Variants in PADI2 observed in about 807,000 individuals in gnomAD.
PADI2 encodes protein-arginine deiminase type-2.
PADI2 carries 70 observed loss-of-function variants against 81.1 expected under a neutral mutation model. That is an observed-to-expected ratio of 0.86 (90% confidence interval 0.71 to 1.05). PADI2 has a LOEUF of 1.05. Ranked by LOEUF, PADI2 falls within the 50% of genes least tolerant of loss-of-function variation. The pLI, the probability that PADI2 is intolerant of heterozygous loss-of-function variation, is 0.00. For missense variants in PADI2, 853 were observed against 889.9 expected, an observed-to-expected ratio of 0.96 and a Z score of 0.53; for synonymous variants, 338 against 358.0, an observed-to-expected ratio of 0.94 and a Z score of 0.63.
intron 3 of PADI2, among the ~76,000 whole-genome samples, chr1:17,100,162 G>A (rs1931092143): frequency 6.6e-6 from 1 of 152,214 alleles, no homozygotes; most frequent in Admixed American, 6.5e-5. Flanking sequence ...GGGACAGAGA[G>A]AACAGTGGTC....
At chr1:17,089,728 G>C (rs1279617850) in intron 6 of PADI2, among the ~76,000 whole-genome samples, 2 of 152,162 alleles carry the variant, frequency 1.3e-5, no homozygotes, top group Non-Finnish European at 1.5e-5. Context: ...CTCCATCCCT[G>C]GCTCGGTGCA....
At chr1:17,102,174 G>A (rs1390170056) in intron 3 of PADI2, among the ~76,000 whole-genome samples, 1 of 152,210 alleles carries the variant, frequency 6.6e-6, no homozygotes, top group Non-Finnish European at 1.5e-5. Flanking sequence ...ACCAAGGTTG[G>A]ATGAACAAAA....
intron 1 of PADI2, among the ~76,000 whole-genome samples, chr1:17,116,948 C>T (rs1931778559): frequency 6.6e-6 from 1 of 152,192 alleles, no homozygotes. Flanking sequence ...ACCAGTGAGT[C>T]TCAGCTGGCT....
rs2078291115 is a variant in PADI2 at position 17,074,915 on chromosome 1, C to G, written c.1490G>C (p.Cys497Ser). Residue 497 changes from cysteine (C) to serine (S), a missense_variant, in exon 13 of 16, where the codon TGC becomes TCC. Coordinates refer to ENST00000375486, the MANE Select transcript of PADI2 (RefSeq NM_007365.3). ...FLLLMASTSA[C>S]YKLFREKQKD... The stretch of plus-strand genomic sequence containing the variant: ...CTGCTTCTCTCGGAAGAGCTTGTAG[C>G]AGGCCGAGGTGCTGGCCATGAGTAG... The G allele has an allele frequency of 2.5e-6, 4 of 1,613,180 alleles. No individual in the cohort carries two copies. The South Asian group carries it at 3.3e-5, about 13-fold the overall frequency.
intron 11 of PADI2, among the ~76,000 whole-genome samples, chr1:17,077,543 A>C (rs926730193): frequency 2.6e-5 from 4 of 152,154 alleles, no homozygotes; most frequent in African/African-American, 9.7e-5. Context: ...GTCTATTTGC[A>C]TGCCTGAGAC....
At chr1:17,069,589 A>T (rs570352825) in intron 15 of PADI2, among the ~76,000 whole-genome samples, 35 of 152,288 alleles carry the variant, frequency 2.3e-4, no homozygotes, top group Admixed American at 2.3e-3. Flanking sequence ...ATGGGTATGT[A>T]TGCATTTATG....
intron 3 of PADI2, among the ~76,000 whole-genome samples, chr1:17,100,235 G>A (rs1287044740): frequency 7.0e-6 from 1 of 143,566 alleles, no homozygotes; most frequent in Admixed American, 6.7e-5. Flanking sequence ...GTTCAATGGT[G>A]TTAGTTTCTT....
intron 15 of PADI2, among the ~76,000 whole-genome samples, 157 bp from the exon 16 acceptor site, chr1:17,069,434 G>C (rs559151518): frequency 1.1e-4 from 16 of 152,380 alleles, no homozygotes; most frequent in African/African-American, 3.4e-4. Flanking sequence ...ACAAATGGCA[G>C]AGCTGAAGTG....
At chr1:17,075,193 C>CCAAGTTGCCAAGCAGCCACA in intron 12 of PADI2, 3 of 428,604 alleles carry the variant, frequency 7.0e-6, no homozygotes, top group Non-Finnish European at 1.3e-5. Flanking sequence ...CAGGACATCT[C>CCAAGTTGCCAAGCAGCCACA]CAAGTTGCCA....
At chr1:17,086,760 G>A in intron 6 of PADI2, 61 bp from the exon 7 acceptor site, 1 of 1,467,172 alleles carries the variant, frequency 6.8e-7, no homozygotes, top group Non-Finnish European at 9.5e-7. Flanking sequence ...CGGTGGGGTG[G>A]GATCACCGAT....
rs1307491651 is a variant in PADI2 at position 17,069,280 on chromosome 1, G to A, written c.1765-3C>T. On this transcript the variant is annotated splice_polypyrimidine_tract_variant and splice_region_variant and intron_variant, in intron 15 of 15. Coordinates refer to ENST00000375486, the MANE Select transcript of PADI2 (RefSeq NM_007365.3). ...TTGTCCAGCACGATCATGTTCACCT[G>A]TGACGGGGGATTGCGATGGCAACAG... 6.8e-6 allele frequency: 11 copies of A among 1,610,784 alleles called. No individual in the cohort carries two copies. Among genetic ancestry groups the A allele is most frequent in the Non-Finnish European group, 9.3e-6 (11 of 1,177,030 alleles).
At chr1:17,083,874 A>C (rs1207522344) in intron 8 of PADI2, 37 bp from the exon 9 acceptor site, 2 of 1,211,162 alleles carry the variant, frequency 1.7e-6, no homozygotes, top group African/African-American at 3.0e-5. Flanking sequence ...GCCAGGAGAA[A>C]GGGTGAGGAG....
intron 4 of PADI2, 85 bp from the exon 5 acceptor site, chr1:17,093,769 G>C: frequency 1.3e-6 from 1 of 798,752 alleles, no homozygotes; most frequent in Non-Finnish European, 2.1e-6. Flanking sequence ...GCCCCAGGAT[G>C]AGGGTAAAGA....
intron 1 of PADI2, among the ~76,000 whole-genome samples, chr1:17,114,990 C>T (rs1931708243): frequency 6.6e-6 from 1 of 152,074 alleles, no homozygotes; most frequent in Non-Finnish European, 1.5e-5. Flanking sequence ...CACCCCAGGC[C>T]CCCATCATGG....
chr1:17,067,947 T>A lies in PADI2; in HGVS notation c.*1097A>T, dbSNP rs2078235200. On this transcript the variant is annotated 3_prime_UTR_variant, in exon 16 of 16. Transcript: ENST00000375486. ...TGGGTATGTCCAAATGAGAGGGTCT[T>A]TGGCAAAGGCACTGGTGAATTTCAA... 6.6e-6 allele frequency: 1 copy of A among 152,626 alleles called. No individual in the cohort carries two copies. Among genetic ancestry groups the A allele is most frequent in the South Asian group, 2.1e-4 (1 of 4,828 alleles). 9.5% of individuals were successfully genotyped at this position (152,626 alleles called of 1,614,324 possible).
intron 1 of PADI2, among the ~76,000 whole-genome samples, chr1:17,111,132 G>T (rs890845341): frequency 3.6e-5 from 5 of 137,258 alleles, no homozygotes; most frequent in African/African-American, 1.4e-4. Context: ...CTGTTGCCCA[G>T]GCTGGAGTGC....
At chr1:17,090,327 G>T (rs746127897) in intron 6 of PADI2, among the ~76,000 whole-genome samples, 1 of 152,212 alleles carries the variant, frequency 6.6e-6, no homozygotes, top group Non-Finnish European at 1.5e-5. Context: ...CGTCAGAGAT[G>T]AGCACCCCAA....
intron 1 of PADI2, among the ~76,000 whole-genome samples, chr1:17,118,893 T>A (rs532866649): frequency 1.3e-5 from 2 of 151,120 alleles, no homozygotes; most frequent in Non-Finnish European, 3.0e-5. Context: ...AGGGGCTGGG[T>A]TGAGGTGGGT....
At chr1:17,081,040 C>G (rs1307397008) in intron 10 of PADI2, among the ~76,000 whole-genome samples, 1 of 152,206 alleles carries the variant, frequency 6.6e-6, no homozygotes, top group East Asian at 1.9e-4. Flanking sequence ...CGGGCCTGGC[C>G]TGGGCCTCAA....
Sources: allele counts gnomAD v4.1 joint callset (sites outside exome capture counted in the v4.1 genomes callset), GRCh38; gene constraint gnomAD v4.1.1; transcripts MANE v1.5; gene names NCBI Gene and HGNC (gene_info 2026-07-23, HGNC 2026-07-21).